Variants in UBR1 observed in about 807,000 individuals in gnomAD.
UBR1 encodes the protein E3 ubiquitin-protein ligase UBR1.
Under a neutral mutation model 242.1 loss-of-function variants are expected in UBR1, and 102 were observed. The observed-to-expected ratio is 0.42, with a 90% CI of 0.36 to 0.50. UBR1 has a LOEUF of 0.50. UBR1 is among the 20% of genes least tolerant of loss of function. UBR1 has a pLI of 0.01. For synonymous variants in UBR1, 675 were observed against 684.8 expected, an observed-to-expected ratio of 0.99 and a Z score of 0.22; for missense variants, 1,772 against 2,101.8, an observed-to-expected ratio of 0.84 and a Z score of 3.07.
intron 29 of UBR1, among the ~76,000 whole-genome samples, chr15:43,009,479 GGT>G (rs2032885522): frequency 6.6e-6 from 1 of 152,218 alleles, no homozygotes; most frequent in Non-Finnish European, 1.5e-5. Flanking sequence ...GATCCAGGCT[GGT>G]AGTGTCAGTC....
chr15:43,069,388 T>C (rs1266050717), intron 5 of UBR1, among the ~76,000 whole-genome samples: 1 of 152,002 alleles, frequency 6.6e-6, no homozygotes, highest in South Asian at 2.1e-4. Flanking sequence ...GCCATTCTCA[T>C]GCCTCAGCCT....
chr15:43,015,063 TG>T (rs1245353072), intron 29 of UBR1, among the ~76,000 whole-genome samples: 2 of 149,274 alleles, frequency 1.3e-5, no homozygotes, highest in African/African-American at 5.0e-5. Context: ...GTCCGGGAGG[TG>T]GGGGGCACCT....
chr15:42,952,535 G>T, intron 44 of UBR1, 87 bp from the exon 45 acceptor site: 1 of 1,464,358 alleles, frequency 6.8e-7, no homozygotes, highest in Non-Finnish European at 9.5e-7. Context: ...AATCAAGCAT[G>T]TTTTCATCAC....
chr15:42,991,500 T>C (rs1236161285), intron 33 of UBR1, among the ~76,000 whole-genome samples: 2 of 152,144 alleles, frequency 1.3e-5, no homozygotes, highest in Non-Finnish European at 2.9e-5. Context: ...TGCAAATTTG[T>C]CTTTCACCAA....
intron 30 of UBR1, among the ~76,000 whole-genome samples, chr15:43,005,664 G>A (rs2032813369): frequency 6.6e-6 from 1 of 152,230 alleles, no homozygotes; most frequent in Non-Finnish European, 1.5e-5. Flanking sequence ...GGAAATGTGG[G>A]GAAATGAGAG....
intron 19 of UBR1, 55 bp from the exon 20 acceptor site, chr15:43,032,686 A>C: frequency 9.0e-7 from 1 of 1,107,632 alleles, no homozygotes; most frequent in Non-Finnish European, 1.3e-6. Flanking sequence ...ACCTCCATAA[A>C]ACATGCATTT....
intron 40 of UBR1, among the ~76,000 whole-genome samples, chr15:42,967,725 G>A (rs555557535): frequency 9.2e-5 from 14 of 151,608 alleles, no homozygotes; most frequent in East Asian, 1.9e-4. Flanking sequence ...AGCAAATGGC[G>A]ACTCTTTATA....
At chr15:42,952,708 G>A (rs2031854477) in intron 44 of UBR1, among the ~76,000 whole-genome samples, 1 of 152,178 alleles carries the variant, frequency 6.6e-6, no homozygotes, top group Non-Finnish European at 1.5e-5. Flanking sequence ...TTCTCATAAA[G>A]TATGGTGGTT....
intron 1 of UBR1, chr15:43,091,945 A>G: frequency 2.5e-6 from 1 of 399,272 alleles, no homozygotes; most frequent in Admixed American, 3.3e-5. Context: ...AATTAGCCAG[A>G]TGCGGTGGCA....
At chr15:42,969,826 G>A (rs1382770866) in intron 40 of UBR1, among the ~76,000 whole-genome samples, 2 of 152,124 alleles carry the variant, frequency 1.3e-5, no homozygotes, top group African/African-American at 4.8e-5. Flanking sequence ...ACAAACCACT[G>A]CTCAAGGAAA....
intron 39 of UBR1, among the ~76,000 whole-genome samples, chr15:42,972,670 C>T (rs574913556): frequency 2.0e-5 from 3 of 152,256 alleles, no homozygotes; most frequent in South Asian, 2.1e-4. Context: ...CGTGCCCGGC[C>T]GATAACTCAT....
chr15:43,041,749 C>T (rs2033420908), intron 15 of UBR1, among the ~76,000 whole-genome samples: 1 of 152,058 alleles, frequency 6.6e-6, no homozygotes, highest in East Asian at 1.9e-4. Flanking sequence ...AAAGGCAACC[C>T]ACAGAATGGG....
intron 10 of UBR1, 104 bp downstream of exon 10, chr15:43,058,237 A>G (rs2033641859): frequency 1.1e-6 from 1 of 912,238 alleles, no homozygotes; most frequent in Admixed American, 2.3e-5. Context: ...AAAGAAATAA[A>G]TCATAACATT....
intron 13 of UBR1, 36 bp downstream of exon 13, chr15:43,048,356 A>G: frequency 6.5e-7 from 1 of 1,528,356 alleles, no homozygotes; most frequent in East Asian, 2.3e-5. Flanking sequence ...TTTAAAAATA[A>G]ATTTCTTTTA....
chr15:42,964,985 T>C (rs2032081986), intron 41 of UBR1, among the ~76,000 whole-genome samples: 1 of 152,352 alleles, frequency 6.6e-6, no homozygotes, highest in African/African-American at 2.4e-5. Flanking sequence ...TGTATTTCTC[T>C]ATTTGTTTAT....
intron 32 of UBR1, among the ~76,000 whole-genome samples, chr15:42,999,066 G>A (rs550387552): frequency 2.0e-5 from 3 of 149,930 alleles, no homozygotes; most frequent in South Asian, 4.3e-4. Context: ...TCAGCCTCCC[G>A]AGTTGCTGGG....
intron 32 of UBR1, among the ~76,000 whole-genome samples, chr15:43,001,106 T>A (rs1226104481): frequency 1.3e-5 from 2 of 151,922 alleles, no homozygotes; most frequent in Non-Finnish European, 1.5e-5. Context: ...AGTGCTGGGA[T>A]TCAGGCGTGA....
At chr15:43,034,279 A>AATAAATAAATAG (rs773623287) in intron 19 of UBR1, among the ~76,000 whole-genome samples, 2 of 104,214 alleles carry the variant, frequency 1.9e-5, no homozygotes, top group Non-Finnish European at 3.6e-5. Flanking sequence ...TAAATAAATA[A>AATAAATAAATAG]ATAGATAAAT....
chr15:43,019,581 G>A (rs2033076497), intron 27 of UBR1, among the ~76,000 whole-genome samples: 1 of 135,526 alleles, frequency 7.4e-6, no homozygotes, highest in Admixed American at 7.4e-5. Flanking sequence ...CTGGCTTCAG[G>A]TTTTTTTTTT....
Sources: gnomAD v4.1 joint callset for allele counts (sites outside exome capture counted in the v4.1 genomes callset) on GRCh38, gnomAD v4.1.1 for gene constraint, MANE v1.5 for transcripts, NCBI Gene and HGNC (gene_info 2026-07-23, HGNC 2026-07-21) for gene names.